AGAP1: variants seen among roughly 807,000 people sequenced by gnomAD.
The protein encoded by AGAP1 is arf-GAP with GTPase, ANK repeat and PH domain-containing protein 1.
In AGAP1, 29 loss-of-function variants were observed where a neutral mutation model predicts 105.3. That is an observed-to-expected ratio of 0.28 (90% CI 0.21 to 0.38). The LOEUF is 0.38. AGAP1 is among the 10% of genes least tolerant of loss of function. The pLI, the probability that AGAP1 is intolerant of heterozygous loss-of-function variation, is 1.00. For synonymous variants in AGAP1, 509 were observed against 485.9 expected (o/e 1.05, Z -0.63); for missense variants, 998 against 1,165.1 (o/e 0.86, Z 2.09).
At chr2:235,710,311 G>A (rs2149516664) in intron 2 of AGAP1, among the ~76,000 whole-genome samples, 2 of 152,358 alleles carry the variant, frequency 1.3e-5, no homozygotes, top group South Asian at 4.1e-4. Context: ...TCTTTGAAGA[G>A]ACTTTTGTCA....
intron 16 of AGAP1, among the ~76,000 whole-genome samples, chr2:236,112,735 G>A (rs13015700): frequency 6.6e-6 from 1 of 152,198 alleles, no homozygotes; most frequent in African/African-American, 2.4e-5. Flanking sequence ...ACGCTCTCCC[G>A]CTCTCTCAGT....
rs887899888 is a variant in AGAP1, at chr2:235,701,034, A to G, written c.164-8145A>G. Among the ~76,000 whole-genome samples the G allele has an allele frequency of 4.3e-5, 6 of 139,902 alleles. No homozygotes were observed. The highest frequency in any genetic ancestry group is 1.7e-4 in the African/African-American group (6 of 35,822). The allele number at this position is 139,902 out of a possible 152,430, so 91.8% of individuals were successfully genotyped here. The stretch of plus-strand genomic sequence containing the variant: ...TATATGTATATATTATATATGCTAT[A>G]ATATAGTTATATGTATATATTATAT... On this transcript the variant is annotated intron_variant, in intron 1 of 17. Coordinates refer to ENST00000304032, the MANE Select transcript of AGAP1 (RefSeq NM_001037131.3). The surrounding 1 kb of genome is among the most constrained non-coding windows in gnomAD (Gnocchi z 4.1).
At chr2:235,643,965 C>A (rs768678223) in intron 1 of AGAP1, among the ~76,000 whole-genome samples, 1 of 152,114 alleles carries the variant, frequency 6.6e-6, no homozygotes, top group African/African-American at 2.4e-5. Flanking sequence ...ACAGAGCCCC[C>A]GTGATGTGTG....
chr2:235,799,623 A>C lies in AGAP1; in HGVS notation c.957+101A>C. 4.5e-4 allele frequency: 577 copies of C among 1,293,772 alleles called. No homozygotes were observed. The highest frequency in any genetic ancestry group is 5.7e-4 in the Non-Finnish European group (530 of 934,926). 80.1% of individuals were successfully genotyped at this position (1,293,772 alleles called of 1,614,324 possible). ...GGTTCAGTGGTATTTGTAGAATCTC[A>C]ACTATATTAAAGTGAATAACATTGA... On this transcript the variant is annotated intron_variant, in intron 8 of 17. Coordinates refer to ENST00000304032, the MANE Select transcript of AGAP1 (RefSeq NM_001037131.3). This position sits in a 1 kb window ranked among gnomAD's most constrained non-coding sequence, Gnocchi z 5.0.
chr2:235,895,968 A>G lies in AGAP1; in HGVS notation c.1155+12519A>G, dbSNP rs189241097. Among the ~76,000 whole-genome samples the G allele has an allele frequency of 2.5e-4, 38 of 152,340 alleles. No individual in the cohort carries two copies. The East Asian group carries it at 6.2e-3, about 25-fold the overall frequency. ...TTGCTTTTTTCATTTTAATTGTAAA[A>G]TACATACAACATTTGCCACCTTAAT... On this transcript the variant is annotated intron_variant, in intron 10 of 17. Coordinates refer to ENST00000304032, the MANE Select transcript of AGAP1 (RefSeq NM_001037131.3).
At chr2:235,630,273 G>A (rs1460749946) in intron 1 of AGAP1, among the ~76,000 whole-genome samples, 1 of 152,010 alleles carries the variant, frequency 6.6e-6, no homozygotes, top group East Asian at 1.9e-4. Context: ...GAGTGCAATG[G>A]CACTATCTCA....
intron 1 of AGAP1, among the ~76,000 whole-genome samples, chr2:235,533,680 C>G (rs1943116242): frequency 6.6e-6 from 1 of 152,266 alleles, no homozygotes; most frequent in South Asian, 2.1e-4. Flanking sequence ...AAAAGGAATG[C>G]TTAGAAAATA....
chr2:235,769,207 C>CTT lies in AGAP1; in HGVS notation c.673+18722_673+18723dup, dbSNP rs1350348830. Reference sequence around the variant, plus strand: ...CTGCTACCTTGGGGCCCAGGCGTGTCTTTTGTCCCCCAGTGCCTGGCACGG... The same window carrying CTT: ...CTGCTACCTTGGGGCCCAGGCGTGTCTTTTTTGTCCCCCAGTGCCTGGCACGG... On this transcript the variant is annotated intron_variant, in intron 6 of 17. Transcript: ENST00000304032. The surrounding 1 kb of genome is among the most constrained non-coding windows in gnomAD (Gnocchi z 4.4). 6.6e-6 allele frequency among the ~76,000 whole-genome samples: 1 copy of CTT among 152,164 alleles called. No individual in the cohort carries two copies. Among genetic ancestry groups the CTT allele is most frequent in the Non-Finnish European group, 1.5e-5 (1 of 68,034 alleles).
intron 9 of AGAP1, among the ~76,000 whole-genome samples, chr2:235,835,451 A>G (rs1960036077): frequency 6.6e-6 from 1 of 152,106 alleles, no homozygotes; most frequent in African/African-American, 2.4e-5. Flanking sequence ...TGTTTTGTAA[A>G]CTTGTCATCT....
At chr2:235,803,563 C>G (rs933559595) in intron 8 of AGAP1, among the ~76,000 whole-genome samples, 3 of 152,108 alleles carry the variant, frequency 2.0e-5, no homozygotes, top group Non-Finnish European at 4.4e-5. Context: ...CACTATCCAC[C>G]TTATTTATTA....
rs575153020 is a variant in AGAP1, at chr2:235,785,204, T to G, written c.674-12555T>G. On this transcript the variant is annotated intron_variant, in intron 6 of 17. Coordinates refer to ENST00000304032, the MANE Select transcript of AGAP1 (RefSeq NM_001037131.3). ...CTGGAAATAGGAAAACAGCTTCAGT[T>G]GTGGTAGATACATCCATTTTTCTTA... 3.3e-5 allele frequency among the ~76,000 whole-genome samples: 5 copies of G among 152,332 alleles called. No homozygotes were observed. The East Asian group carries it at 9.6e-4, about 29-fold the overall frequency.
rs989009108 is a variant in AGAP1 at position 235,769,236 on chromosome 2, C to T, written c.673+18748C>T. 2.0e-5 allele frequency among the ~76,000 whole-genome samples: 3 copies of T among 152,190 alleles called. No individual in the cohort carries two copies. The highest frequency in any genetic ancestry group is 2.9e-5 in the Non-Finnish European group (2 of 68,030). ...TGTCCCCCAGTGCCTGGCACGGTGC[C>T]CTCCAGGAGTACTCCTGGGATTGGT... is the stretch of plus-strand genomic sequence containing the variant. On this transcript the variant is annotated intron_variant, in intron 6 of 17. Coordinates refer to ENST00000304032, the MANE Select transcript of AGAP1 (RefSeq NM_001037131.3). The surrounding 1 kb of genome is among the most constrained non-coding windows in gnomAD (Gnocchi z 4.4).
rs1945654771 is a variant in AGAP1, at chr2:235,599,457, G to A, written c.163+104608G>A. On this transcript the variant is annotated intron_variant, in intron 1 of 17. Coordinates refer to ENST00000304032, the MANE Select transcript of AGAP1 (RefSeq NM_001037131.3). The surrounding 1 kb of genome is among the most constrained non-coding windows in gnomAD (Gnocchi z 5.3). ...TTTGCATGAATTAGCCACACGCAGA[G>A]GGCAGTTATGTGTGATGTGGGAAAT... Among the ~76,000 whole-genome samples, 1 of 152,244 alleles carries A rather than the reference G, an allele frequency of 6.6e-6. No homozygotes were observed. Among genetic ancestry groups the A allele is most frequent in the African/African-American group, 2.4e-5 (1 of 41,550 alleles).
At chr2:235,613,188 A>G (rs2149258052) in intron 1 of AGAP1, among the ~76,000 whole-genome samples, 1 of 151,966 alleles carries the variant, frequency 6.6e-6, no homozygotes, top group South Asian at 2.1e-4. Flanking sequence ...TAGAGACTGG[A>G]TTTCGCCATT....
chr2:235,796,052 A>G (rs935910576), intron 6 of AGAP1, among the ~76,000 whole-genome samples: 6 of 152,214 alleles, frequency 3.9e-5, no homozygotes, highest in African/African-American at 1.4e-4. Flanking sequence ...TTTAATTCTG[A>G]CATCTGCACA....
rs866754392 is a variant in AGAP1 at position 235,552,665 on chromosome 2, G to A, written c.163+57816G>A. Among the ~76,000 whole-genome samples, 1 of 152,214 alleles carries A rather than the reference G, an allele frequency of 6.6e-6. No homozygotes were observed. The highest frequency in any genetic ancestry group is 1.5e-5 in the Non-Finnish European group (1 of 68,050). ...GCAGAGGTTTGGAGCTGGGTTGTGG[G>A]TGAGGGATGCAGAGAGGCTTAACCC... On this transcript the variant is annotated intron_variant, in intron 1 of 17. Coordinates refer to ENST00000304032, the MANE Select transcript of AGAP1 (RefSeq NM_001037131.3). The surrounding 1 kb of genome is among the most constrained non-coding windows in gnomAD (Gnocchi z 5.9).
chr2:235,605,227 T>C (rs986584626), intron 1 of AGAP1, among the ~76,000 whole-genome samples: 1 of 152,200 alleles, frequency 6.6e-6, no homozygotes, highest in East Asian at 1.9e-4. Context: ...TAAGTGGTAA[T>C]AAGTAATAAA....
rs1270585377 is a variant in AGAP1 at position 235,586,826 on chromosome 2, A to AG, written c.163+91978dup. 1.3e-5 allele frequency among the ~76,000 whole-genome samples: 2 copies of AG among 152,230 alleles called. No homozygotes were observed. Among genetic ancestry groups the AG allele is most frequent in the Non-Finnish European group, 2.9e-5 (2 of 68,050 alleles). On this transcript the variant is annotated intron_variant, in intron 1 of 17. Transcript: ENST00000304032. This position sits in a 1 kb window ranked among gnomAD's most constrained non-coding sequence, Gnocchi z 4.2. The stretch of plus-strand genomic sequence containing the variant: ...ACAGGAGGGAGCGGTTGGCTGGGGA[A>AG]GACCTGAGTGAGGGAGCTTTCTTGA...
chr2:235,785,981 G>A (rs561256816), intron 6 of AGAP1, among the ~76,000 whole-genome samples: 15 of 152,312 alleles, frequency 9.8e-5, no homozygotes, highest in Admixed American at 9.1e-4. Context: ...AGCCTCACGT[G>A]CAGATTGAAG....
Sources: allele counts gnomAD v4.1 joint callset (sites outside exome capture counted in the v4.1 genomes callset), GRCh38; gene constraint gnomAD v4.1.1; non-coding constraint Gnocchi (gnomAD v3.1); transcripts MANE v1.5; gene names NCBI Gene and HGNC (gene_info 2026-07-23, HGNC 2026-07-21).